PPIL2: variants seen among roughly 807,000 people sequenced by gnomAD.
PPIL2 encodes the protein RING-type E3 ubiquitin-protein ligase PPIL2.
PPIL2 carries 50 observed loss-of-function variants against 75.2 expected under a neutral mutation model. That is an observed-to-expected ratio of 0.66 (90% CI 0.53 to 0.84). The LOEUF is 0.84. Ranked by LOEUF, PPIL2 falls within the 40% of genes least tolerant of loss-of-function variation. The probability of loss-of-function intolerance (pLI) is 0.00; values close to 1 mark genes in which losing one functional copy is unlikely to be tolerated. For synonymous variants in PPIL2, 245 were observed against 258.8 expected (o/e 0.95, Z 0.51); for missense variants, 590 against 685.0 (o/e 0.86, Z 1.55).
intron 15 of PPIL2, among the ~76,000 whole-genome samples, chr22:21,692,330 A>ATT (rs370700687): frequency 6.6e-6 from 1 of 151,252 alleles, no homozygotes; most frequent in Non-Finnish European, 1.5e-5. Flanking sequence ...AATTTTTTGT[A>ATT]TTTTTAGTAG....
In PPIL2 at chr22:21,669,802, T is replaced by C. The variant is rs922325735; in HGVS notation, c.33-111T>C. 9 of 1,152,292 alleles carry C rather than the reference T, an allele frequency of 7.8e-6. No individual in the cohort carries two copies. The South Asian group carries it at 1.1e-4, about 14-fold the overall frequency. The allele number at this position is 1,152,292 out of a possible 1,614,324, so 71.4% of individuals were successfully genotyped here. On this transcript the variant is annotated intron_variant, in intron 1 of 19. Transcript: ENST00000398831. ...GGCGTTAGCCACCGTGCCCGCCCCA[T>C]AGTAGGTATTTAGTAAGCATTTGCT...
At chr22:21,672,238 C>G in intron 4 of PPIL2, 92 bp from the exon 5 acceptor site, 1 of 1,155,014 alleles carries the variant, frequency 8.7e-7, no homozygotes, top group African/African-American at 1.5e-5. Context: ...TCACAGGCCT[C>G]TAACCTGGAA....
rs528904570 is a variant in PPIL2, at chr22:21,677,139, G to A, written c.295+2024G>A. On this transcript the variant is annotated intron_variant, in intron 6 of 19. Transcript: ENST00000398831. ...GGGCTCCTCGCTTCTCAGACGGGGCGGCTGCCGGGCGGAGGGGCTCCTCAC... is the reference window on the plus strand; with the variant it reads ...GGGCTCCTCGCTTCTCAGACGGGGCAGCTGCCGGGCGGAGGGGCTCCTCAC... Among the ~76,000 whole-genome samples the A allele has an allele frequency of 2.2e-3, 327 of 151,864 alleles. 1 individual carries two copies. The highest frequency in any genetic ancestry group is 7.5e-3 in the African/African-American group (310 of 41,436).
chr22:21,676,564 C>CT (rs545411162), intron 6 of PPIL2, among the ~76,000 whole-genome samples: 272 of 151,646 alleles, frequency 1.8e-3, no homozygotes, highest in Non-Finnish European at 3.3e-3. Context: ...GGTGATGACT[C>CT]TTAACTAGCA....
intron 6 of PPIL2, among the ~76,000 whole-genome samples, chr22:21,676,032 T>TA (rs1212743892): frequency 2.0e-5 from 3 of 152,224 alleles, no homozygotes; most frequent in African/African-American, 7.2e-5. Context: ...TGTCCTTGCT[T>TA]ACTGGGTGCA....
At chr22:21,695,116 A>G (rs1188652635) in intron 19 of PPIL2, 46 bp downstream of exon 19, 2 of 1,534,144 alleles carry the variant, frequency 1.3e-6, no homozygotes, top group East Asian at 2.3e-5. Context: ...GGTGTTTCCT[A>G]GGGCTGACTG....
intron 5 of PPIL2, among the ~76,000 whole-genome samples, chr22:21,673,113 G>A (rs922663874): frequency 2.6e-5 from 4 of 152,216 alleles, no homozygotes; most frequent in South Asian, 4.1e-4. Flanking sequence ...TTGGACCAGC[G>A]ACTAAAGCCC....
chr22:21,694,256 AG>A (rs927121257), intron 16 of PPIL2, among the ~76,000 whole-genome samples: 18 of 152,242 alleles, frequency 1.2e-4, no homozygotes, highest in Middle Eastern at 3.4e-3. Flanking sequence ...AGCACGAAAC[AG>A]GGTGGACGCA....
intron 13 of PPIL2, 105 bp from the exon 14 acceptor site, chr22:21,687,968 A>T: frequency 6.9e-7 from 1 of 1,447,180 alleles, no homozygotes; most frequent in South Asian, 1.2e-5. Context: ...CCAAGAGCCC[A>T]GCCCCTGTGT....
chr22:21,678,375 GCAC>G (rs1461302612), intron 6 of PPIL2, among the ~76,000 whole-genome samples: 7 of 152,200 alleles, frequency 4.6e-5, no homozygotes, highest in Non-Finnish European at 8.8e-5. Flanking sequence ...GGGACTACAG[GCAC>G]CACCACTGCA....
intron 16 of PPIL2, among the ~76,000 whole-genome samples, 177 bp downstream of exon 16, chr22:21,694,049 A>G (rs1174360253): frequency 6.6e-6 from 1 of 152,138 alleles, no homozygotes; most frequent in Non-Finnish European, 1.5e-5. Flanking sequence ...GTGCCAGGGA[A>G]GTCTGGCTCT....
rs369631278 is a variant in PPIL2, at chr22:21,672,388, G to A, written c.243+7G>A. 6.9e-6 allele frequency: 11 copies of A among 1,602,776 alleles called. No individual in the cohort carries two copies. Among genetic ancestry groups the A allele is most frequent in the Admixed American group, 1.7e-5 (1 of 59,966 alleles). ...CAACCCCAGCAATGGAGAGGTAGGTGGCTGTGCAGGAGTTTCAGTGATGCT... is the reference window on the plus strand; with the variant it reads ...CAACCCCAGCAATGGAGAGGTAGGTAGCTGTGCAGGAGTTTCAGTGATGCT... On this transcript the variant is annotated splice_region_variant and intron_variant, in intron 5 of 19. Coordinates refer to ENST00000398831, the MANE Select transcript of PPIL2 (RefSeq NM_014337.4).
chr22:21,670,158 A>G, intron 2 of PPIL2, 196 bp downstream of exon 2: 3 of 921,672 alleles, frequency 3.3e-6, no homozygotes, highest in Admixed American at 3.1e-5. Flanking sequence ...TGATTTTTGT[A>G]AAATGTAATT....
At chr22:21,693,742 T>C (rs1402370238) in intron 15 of PPIL2, 74 bp from the exon 16 acceptor site, 1 of 1,428,444 alleles carries the variant, frequency 7.0e-7, no homozygotes, top group Non-Finnish European at 9.9e-7. Flanking sequence ...GGTGGGCAGC[T>C]CCTGGTGTGC....
In PPIL2 at chr22:21,696,229, A is replaced by G; in HGVS notation, c.*739A>G. On this transcript the variant is annotated 3_prime_UTR_variant, in exon 20 of 20. Transcript: ENST00000398831. ...CCTGCCGTGCCCTGCCTGAGCTCTC[A>G]GGGCCCTGCTCACCTGCTCTGGCTG... The G allele has an allele frequency of 9.9e-7, 1 of 1,008,854 alleles. No individual in the cohort carries two copies. The highest frequency in any genetic ancestry group is 1.2e-6 in the Non-Finnish European group (1 of 843,338). The allele number at this position is 1,008,854 out of a possible 1,614,324, so 62.5% of individuals were successfully genotyped here.
At chr22:21,673,454 T>G (rs989416267) in intron 5 of PPIL2, 4 of 152,334 alleles carry the variant, frequency 2.6e-5, no homozygotes, top group African/African-American at 4.8e-5. Context: ...TCCCAGTGGA[T>G]TCTGTCATTT....
intron 16 of PPIL2, 99 bp downstream of exon 16, chr22:21,693,971 C>A: frequency 1.6e-6 from 2 of 1,271,664 alleles, no homozygotes; most frequent in South Asian, 1.2e-5. Context: ...GGACCTGAGT[C>A]ATGTGCCATG....
chr22:21,683,504 C>T (rs1013004838), intron 9 of PPIL2, among the ~76,000 whole-genome samples: 1 of 152,256 alleles, frequency 6.6e-6, no homozygotes, highest in Non-Finnish European at 1.5e-5. Context: ...CTGGCCGGTG[C>T]TGTCAGTGGG....
chr22:21,692,432 G>A (rs952996644), intron 15 of PPIL2, among the ~76,000 whole-genome samples: 2 of 151,912 alleles, frequency 1.3e-5, no homozygotes, highest in Non-Finnish European at 2.9e-5. Context: ...GGGATTACAG[G>A]CGTGAGCCAC....
Sources: allele counts gnomAD v4.1 joint callset (sites outside exome capture counted in the v4.1 genomes callset), GRCh38; gene constraint gnomAD v4.1.1; transcripts MANE v1.5; gene names NCBI Gene and HGNC (gene_info 2026-07-23, HGNC 2026-07-21).